The following AP2A2 variants were observed in gnomAD, a reference collection of about 807,000 sequenced individuals.
AP2A2 encodes adaptor related protein complex 2 subunit alpha 2.
A neutral mutation model predicts 104.2 loss-of-function variants in AP2A2; 32 were observed. That is an observed-to-expected ratio of 0.31 (90% confidence interval 0.23 to 0.41). The LOEUF (loss-of-function observed/expected upper bound fraction) is 0.41, where lower values mean the gene tolerates loss of function less well. AP2A2 is among the 10% of genes least tolerant of loss of function. AP2A2 has a pLI of 1.00. For missense variants in AP2A2, 912 were observed against 1,261.0 expected, an observed-to-expected ratio of 0.72 and a Z score of 4.19; for synonymous variants, 539 against 533.3, an observed-to-expected ratio of 1.01 and a Z score of -0.15.
At chr11:981,089 G>A (rs977566389) in intron 5 of AP2A2, 109 bp from the exon 6 acceptor site, 1 of 825,254 alleles carries the variant, frequency 1.2e-6, no homozygotes, top group Non-Finnish European at 1.9e-6. Flanking sequence ...CGAGGTGGCT[G>A]TGGGCTGCCA....
chr11:1,006,038 T>C (rs990086632), intron 16 of AP2A2, among the ~76,000 whole-genome samples: 6 of 152,386 alleles, frequency 3.9e-5, no homozygotes, highest in African/African-American at 1.4e-4. Context: ...ACACCGATGC[T>C]GTGCTGGACG....
intron 2 of AP2A2, among the ~76,000 whole-genome samples, chr11:965,419 T>C (rs1056121494): frequency 6.6e-5 from 10 of 152,230 alleles, no homozygotes; most frequent in African/African-American, 2.4e-4. Context: ...TTGTTTGCCA[T>C]CAAGAAGACT....
At chr11:936,206 C>CTTTT (rs982315120) in intron 1 of AP2A2, among the ~76,000 whole-genome samples, 107 of 110,038 alleles carry the variant, frequency 9.7e-4, no homozygotes, top group Non-Finnish European at 1.5e-3. Flanking sequence ...TGCGCCTGGC[C>CTTTT]TTTTTTTTTT....
intron 14 of AP2A2, among the ~76,000 whole-genome samples, chr11:995,150 C>T (rs889620317): frequency 4.6e-5 from 7 of 152,162 alleles, no homozygotes; most frequent in South Asian, 2.1e-4. Context: ...GGGAAGTGGC[C>T]GTCCCCTCTC....
chr11:990,843 C>T (rs1254950745), intron 10 of AP2A2, among the ~76,000 whole-genome samples: 4 of 131,496 alleles, frequency 3.0e-5, no homozygotes, highest in Non-Finnish European at 4.8e-5. Flanking sequence ...GCATGGTGCT[C>T]CCCCCACCCC....
At chr11:959,343 C>T (rs1854350339) in intron 1 of AP2A2, 94 bp from the exon 2 acceptor site, 5 of 851,742 alleles carry the variant, frequency 5.9e-6, no homozygotes, top group Admixed American at 2.6e-5. Context: ...GGGCCTCATC[C>T]CATTCGTGAG....
intron 1 of AP2A2, among the ~76,000 whole-genome samples, chr11:954,234 T>A (rs1255629745): frequency 6.6e-6 from 1 of 152,204 alleles, no homozygotes; most frequent in African/African-American, 2.4e-5. Context: ...AGTCAAAGGC[T>A]GCACTTGGAT....
chr11:986,401 G>A (rs964772159), intron 8 of AP2A2, among the ~76,000 whole-genome samples: 13 of 152,238 alleles, frequency 8.5e-5, no homozygotes, highest in African/African-American at 2.2e-4. Context: ...GGCAGCAGCC[G>A]CGCTCCCGGC....
chr11:985,290 G>C (rs1226426906), intron 7 of AP2A2, 145 bp from the exon 8 acceptor site: 4 of 1,163,248 alleles, frequency 3.4e-6, no homozygotes, highest in Non-Finnish European at 4.7e-6. Flanking sequence ...GCCTGTCTCA[G>C]TTTTGTAAAT....
chr11:978,270 T>G (rs1855120176), intron 5 of AP2A2, among the ~76,000 whole-genome samples: 1 of 152,136 alleles, frequency 6.6e-6, no homozygotes, highest in South Asian at 2.1e-4. Context: ...CTGGGCCTTC[T>G]GCAGACAGGA....
At chr11:984,044 A>C (rs1490683785) in intron 6 of AP2A2, among the ~76,000 whole-genome samples, 1 of 152,192 alleles carries the variant, frequency 6.6e-6, no homozygotes, top group African/African-American at 2.4e-5. Context: ...GCTTTGTAGG[A>C]AGGGAGGAAC....
At chr11:1,008,243 T>C in intron 18 of AP2A2, 108 bp downstream of exon 18, 1 of 1,412,382 alleles carries the variant, frequency 7.1e-7, no homozygotes, top group East Asian at 2.5e-5. Flanking sequence ...ACCCGGGGCG[T>C]GCGGGTGCTC....
chr11:929,843 C>T (rs952287583), intron 1 of AP2A2, among the ~76,000 whole-genome samples: 4 of 151,996 alleles, frequency 2.6e-5, no homozygotes, highest in African/African-American at 7.3e-5. Flanking sequence ...TGGTGCCAGC[C>T]GGGTGCGGTG....
intron 1 of AP2A2, among the ~76,000 whole-genome samples, chr11:938,740 C>A (rs189572032): frequency 3.3e-5 from 5 of 152,182 alleles, no homozygotes; most frequent in African/African-American, 1.2e-4. Flanking sequence ...TCCTGAAATG[C>A]TGGGATTACA....
chr11:927,644 T>A (rs1029778913), intron 1 of AP2A2, among the ~76,000 whole-genome samples: 1 of 151,848 alleles, frequency 6.6e-6, no homozygotes, highest in African/African-American at 2.4e-5. Flanking sequence ...GGTAACACCC[T>A]GTCTCTACAA....
intron 18 of AP2A2, chr11:1,008,339 G>A (rs1398453470): frequency 1.3e-6 from 1 of 742,160 alleles, no homozygotes; most frequent in Admixed American, 3.7e-5. Flanking sequence ...CTGGGCTCCG[G>A]GACGGCAGGT....
In AP2A2 at chr11:995,086, G is replaced by T. The variant is rs114931455; in HGVS notation, c.1956+841G>T. Among the ~76,000 whole-genome samples the T allele has an allele frequency of 9.6e-3, 1,458 of 152,216 alleles. 10 individuals carry two copies. The highest frequency in any genetic ancestry group is 0.044 in the Middle Eastern group (13 of 294). ...CCTGCTGGGCAAGGCACTTCCTTCA[G>T]ACCGTCGTCTTGTCCAGCTCAGCTC... On this transcript the variant is annotated intron_variant, in intron 14 of 21. Coordinates refer to ENST00000448903, the MANE Select transcript of AP2A2 (RefSeq NM_012305.4).
At chr11:962,082 G>A (rs977277420) in intron 2 of AP2A2, among the ~76,000 whole-genome samples, 1 of 152,274 alleles carries the variant, frequency 6.6e-6, no homozygotes, top group Non-Finnish European at 1.5e-5. Context: ...ATTGCCGGCT[G>A]GAGGTGGTGG....
intron 2 of AP2A2, among the ~76,000 whole-genome samples, chr11:967,268 T>C (rs10902255): frequency 0.51 from 76,995 of 152,114 alleles, 20,121 homozygotes; most frequent in Middle Eastern, 0.66. Context: ...GATGAGTCAG[T>C]GAAAGATGGT....
Sources: allele counts gnomAD v4.1 joint callset (sites outside exome capture counted in the v4.1 genomes callset), GRCh38; gene constraint gnomAD v4.1.1; transcripts MANE v1.5; gene names NCBI Gene and HGNC (gene_info 2026-07-23, HGNC 2026-07-21).